Variants in NOTCH1 observed in about 807,000 individuals in gnomAD.
The protein encoded by NOTCH1 is notch receptor 1, also known as neurogenic locus notch homolog protein 1.
Under a neutral mutation model 254.8 loss-of-function variants are expected in NOTCH1, and 37 were observed. The ratio of observed to expected loss-of-function variants is 0.15; its 90% confidence interval spans 0.11 to 0.19. The LOEUF (loss-of-function observed/expected upper bound fraction) is 0.19. Ranked by LOEUF, NOTCH1 falls within the 10% of genes least tolerant of loss-of-function variation. The probability of loss-of-function intolerance (pLI) is 1.00; values close to 1 mark genes in which losing one functional copy is unlikely to be tolerated. For synonymous variants in NOTCH1, 1,731 were observed against 1,618.1 expected, an observed-to-expected ratio of 1.07 and a Z score of -1.68; for missense variants, 2,972 against 3,708.6, an observed-to-expected ratio of 0.80 and a Z score of 5.16.
At chr9:136,523,228 G>C (rs1292504158) in intron 3 of NOTCH1, 40 bp from the exon 4 acceptor site, 2 of 1,546,998 alleles carry the variant, frequency 1.3e-6, no homozygotes, top group East Asian at 2.4e-5. Context: ...TGGCCTCACT[G>C]CTCCCCGAGG....
At position 136,497,221 on chromosome 9, in the gene NOTCH1, G is replaced by A. The variant is rs2133318186; in HGVS notation, c.6518C>T (p.Ala2173Val). The A allele has an allele frequency of 6.2e-7, 1 of 1,612,690 alleles. No homozygotes were observed. Among genetic ancestry groups the A allele is most frequent in the Non-Finnish European group, 8.5e-7 (1 of 1,179,948 alleles). Residue 2173 changes from alanine (A) to valine (V), a missense_variant, in exon 34 of 34, where the codon GCC becomes GTC. Physicochemically the swap from Ala to Val is moderately conservative, Grantham distance 64. Transcript: ENST00000651671. ...SKGLACGSKE[A>V]KDLKARRKKS... ...CTTCCTCCGTGCCTTGAGGTCCTTGGCCTCCTTGCTTCCACAGGCCAGGCC... is the reference window on the plus strand; with the variant it reads ...CTTCCTCCGTGCCTTGAGGTCCTTGACCTCCTTGCTTCCACAGGCCAGGCC...
intron 13 of NOTCH1, among the ~76,000 whole-genome samples, chr9:136,514,165 G>T (rs1031846392): frequency 1.3e-5 from 2 of 152,202 alleles, no homozygotes; most frequent in Non-Finnish European, 2.9e-5. Context: ...GGTCCCTGCT[G>T]ATTTAAATGG....
At chr9:136,537,767 G>T (rs964543137) in intron 2 of NOTCH1, among the ~76,000 whole-genome samples, 1 of 152,192 alleles carries the variant, frequency 6.6e-6, no homozygotes, top group Non-Finnish European at 1.5e-5. Flanking sequence ...CTTCACTCCA[G>T]CCTGTGTGAC....
rs1335198522 is a variant in NOTCH1 at position 136,495,316 on chromosome 9, C to T, written c.*755G>A. 2.8e-5 allele frequency: 11 copies of T among 398,922 alleles called. No homozygotes were observed. The highest frequency in any genetic ancestry group is 6.2e-5 in the African/African-American group (3 of 48,754). The allele number at this position is 398,922 out of a possible 1,614,324, so 24.7% of individuals were successfully genotyped here. On this transcript the variant is annotated 3_prime_UTR_variant, in exon 34 of 34. Transcript: ENST00000651671. ...AGGGACCAAGAACTTGTATAACCAA[C>T]GAACAACTACATAATACTGAACCTG...
chr9:136,502,882 C>A (rs1243277367), intron 27 of NOTCH1: 1 of 616,680 alleles, frequency 1.6e-6, no homozygotes. Flanking sequence ...TTAAAAAAAG[C>A]CGTAATGATT....
chr9:136,536,216 C>T (rs900090470), intron 2 of NOTCH1, among the ~76,000 whole-genome samples: 4 of 152,200 alleles, frequency 2.6e-5, no homozygotes, highest in African/African-American at 7.2e-5. Flanking sequence ...GGGAGAAGTC[C>T]CCCAGCTGCC....
In NOTCH1 at chr9:136,518,467, T is replaced by G. The variant is rs1411056918; in HGVS notation, c.1099+124A>C. ...GACTCACAGCGACCACCGGCCTCCC[T>G]GACCAGAAAGGCCCTTTCAGGTTAT... On this transcript the variant is annotated intron_variant, in intron 6 of 33. Coordinates refer to ENST00000651671, the MANE Select transcript of NOTCH1 (RefSeq NM_017617.5). The G allele has an allele frequency of 2.6e-6, 3 of 1,133,624 alleles. No individual in the cohort carries two copies. In the African/African-American group the frequency reaches 4.6e-5, roughly 17 times the overall value. The allele number at this position is 1,133,624 out of a possible 1,614,324, so 70.2% of individuals were successfully genotyped here. A position where few individuals can be genotyped will look rare whatever the true frequency, so the allele number is the denominator to read the frequency against.
chr9:136,505,300 G>GT lies in NOTCH1; in HGVS notation c.4586+9_4586+10insA. The GT allele has an allele frequency of 6.4e-7, 1 of 1,560,674 alleles. No homozygotes were observed. The highest frequency in any genetic ancestry group is 8.7e-7 in the Non-Finnish European group (1 of 1,153,094). On this transcript the variant is annotated intron_variant, in intron 25 of 33. Transcript: ENST00000651671. ...GTCCTCCCTCAGCCCCATGAGCCCC[G>GT]CAGCCTTACTTGCACTGGCCTTCCG...
chr9:136,512,350 GCCCCGTGGCAGCA>G (rs1284999283), intron 15 of NOTCH1, among the ~76,000 whole-genome samples: 2 of 152,192 alleles, frequency 1.3e-5, no homozygotes, highest in Non-Finnish European at 2.9e-5. Flanking sequence ...CCCTGACCAG[GCCCCGTGGCAGCA>G]CCCTCTGCCC....
chr9:136,507,523 G>C lies in NOTCH1; in HGVS notation c.3511-86C>G, dbSNP rs535411504. On this transcript the variant is annotated intron_variant, in intron 21 of 33. Transcript: ENST00000651671. ...CACACCCCACTGTGAGGGCTGACAG[G>C]GCCACATGAGCTGCCCTCAGGTCCA... 70 of 1,528,898 alleles carry C rather than the reference G, an allele frequency of 4.6e-5. No individual in the cohort carries two copies. The Admixed American group carries it at 9.0e-4, about 20-fold the overall frequency. 94.7% of individuals were successfully genotyped at this position (1,528,898 alleles called of 1,614,324 possible).
intron 21 of NOTCH1, 84 bp from the exon 22 acceptor site, chr9:136,507,521 A>G: frequency 6.5e-7 from 1 of 1,532,190 alleles, no homozygotes; most frequent in Non-Finnish European, 8.8e-7. Flanking sequence ...GAGGGCTGAC[A>G]GGGCCACATG....
At chr9:136,502,512 A>G (rs1426818209) in intron 27 of NOTCH1, 24 bp from the exon 28 acceptor site, 1 of 1,463,450 alleles carries the variant, frequency 6.8e-7, no homozygotes, top group African/African-American at 1.4e-5. Context: ...GGCCAGGGGC[A>G]GGTGCCCGGA....
rs528703507 is a variant in NOTCH1 at position 136,502,309 on chromosome 9, G to A, written c.5347C>T (p.Arg1783Trp). Residue 1783 changes from arginine (R) to tryptophan (W), a missense_variant, in exon 28 of 34, where the codon CGG (arginine) becomes TGG (tryptophan). This residue lies in a region of NOTCH1 where 421 missense variants were observed against 604.4 expected (regional missense o/e 0.70). Coordinates refer to ENST00000651671, the MANE Select transcript of NOTCH1 (RefSeq NM_017617.5). ...GAGTCCTCGCCGAGGGGCTCCCGCCGCTTCTTCTTGCTGGCCTCAGACACT... is the reference window on the plus strand; with the variant it reads ...GAGTCCTCGCCGAGGGGCTCCCGCCACTTCTTCTTGCTGGCCTCAGACACT... The part of the protein sequence containing the change: ...FKVSEASKKK[R>W]REPLGEDSVG... 3.7e-6 allele frequency: 6 copies of A among 1,612,434 alleles called. No individual in the cohort carries two copies. The highest frequency in any genetic ancestry group is 1.3e-5 in the African/African-American group (1 of 75,026).
chr9:136,541,092 G>A (rs1379007968), intron 2 of NOTCH1, among the ~76,000 whole-genome samples: 1 of 152,172 alleles, frequency 6.6e-6, no homozygotes, highest in African/African-American at 2.4e-5. Flanking sequence ...CTGCTCAGAA[G>A]GCCACCATCT....
Position 136,496,209 on chromosome 9 carries a change from G to T in NOTCH1, c.7530C>A (p.Leu2510=). The change falls in exon 34 of 34, where the codon CTC becomes CTA. Residue 2510 remains leucine (L), a synonymous_variant. Transcript: ENST00000651671. ...HQLQVPEHPF[L]TPSPESPDQW... Reference sequence around the variant, plus strand: ...GGTCAGGGGACTCAGGGGACGGGGTGAGGAAGGGGTGCTCAGGCACCTGTA... The same window carrying T: ...GGTCAGGGGACTCAGGGGACGGGGTTAGGAAGGGGTGCTCAGGCACCTGTA... 2 of 1,609,378 alleles carry T rather than the reference G, an allele frequency of 1.2e-6. No individual in the cohort carries two copies.
At position 136,523,814 on chromosome 9, in the gene NOTCH1, C is replaced by G. The variant is rs1271639948; in HGVS notation, c.306G>C (p.Leu102=). The change falls in exon 3 of 34, where the codon CTG becomes CTC. Residue 102 remains leucine (L), a synonymous_variant. Coordinates refer to ENST00000651671, the MANE Select transcript of NOTCH1 (RefSeq NM_017617.5). ...AGGGGTTGGTGAGGCAGGCATTGTCCAGGGGTGTCAGGCAGAGGGGCCCAG... is the reference window on the plus strand; with the variant it reads ...AGGGGTTGGTGAGGCAGGCATTGTCGAGGGGTGTCAGGCAGAGGGGCCCAG... The part of the protein sequence containing the change: ...GFSGPLCLTP[L]DNACLTNPCR... 6.2e-7 allele frequency: 1 copy of G among 1,611,752 alleles called. No homozygotes were observed. Among genetic ancestry groups the G allele is most frequent in the East Asian group, 2.2e-5 (1 of 44,852 alleles).
chr9:136,517,507 C>T, intron 8 of NOTCH1, 122 bp from the exon 9 acceptor site: 1 of 825,796 alleles, frequency 1.2e-6, no homozygotes, highest in Non-Finnish European at 2.0e-6. Context: ...ACCACGGGCC[C>T]CCTGCGCACC....
chr9:136,536,792 G>A (rs73668320), intron 2 of NOTCH1, among the ~76,000 whole-genome samples: 1 of 152,232 alleles, frequency 6.6e-6, no homozygotes, highest in Non-Finnish European at 1.5e-5. Flanking sequence ...GGTTCTTAAG[G>A]GGCATGCTCC....
chr9:136,517,476 C>T lies in NOTCH1; in HGVS notation c.1442-91G>A. ...GACTTGGGACAGAAACGAACCCTGCCTCCAGCCCAGTGTCCCAGCCACCAC... is the reference window on the plus strand; with the variant it reads ...GACTTGGGACAGAAACGAACCCTGCTTCCAGCCCAGTGTCCCAGCCACCAC... On this transcript the variant is annotated intron_variant, in intron 8 of 33. Transcript: ENST00000651671. 2.0e-6 allele frequency: 2 copies of T among 996,150 alleles called. 1 individual carries two copies. The highest frequency in any genetic ancestry group is 2.8e-5 in the South Asian group (2 of 70,264). The allele number at this position is 996,150 out of a possible 1,614,324, so 61.7% of individuals were successfully genotyped here.
Sources: allele counts gnomAD v4.1 joint callset (sites outside exome capture counted in the v4.1 genomes callset), GRCh38; gene constraint gnomAD v4.1.1; regional missense constraint gnomAD v4.1.1; transcripts MANE v1.5; gene names NCBI Gene and HGNC (gene_info 2026-07-23, HGNC 2026-07-21).